The following BIVM variants were observed in gnomAD, a reference collection of about 807,000 sequenced individuals.
BIVM encodes basic, immunoglobulin-like variable motif containing, also known as basic immunoglobulin-like variable motif-containing protein.
A neutral mutation model predicts 61.4 loss-of-function variants in BIVM; 31 were observed. The ratio of observed to expected loss-of-function variants is 0.51; its 90% confidence interval spans 0.38 to 0.68. The LOEUF (loss-of-function observed/expected upper bound fraction) is 0.68. BIVM is among the 30% of genes least tolerant of loss of function. BIVM has a pLI of 0.00. For synonymous variants in BIVM, 189 were observed against 210.7 expected (o/e 0.90, Z 0.89); for missense variants, 526 against 596.0 (o/e 0.88, Z 1.22).
Position 102,817,704 on chromosome 13 carries a change from T to C in BIVM, c.605+1150T>C, listed in dbSNP as rs528925398. 1.6e-4 allele frequency among the ~76,000 whole-genome samples: 25 copies of C among 152,210 alleles called. No homozygotes were observed. The South Asian group carries it at 5.2e-3, about 32-fold the overall frequency. On this transcript the variant is annotated intron_variant, in intron 4 of 10. Transcript: ENST00000257336. ...ATTCCAATTTTTTTTTTTTTTTACT[T>C]TTATTACCCAGCCTTCTTCTGTAGC... is the stretch of plus-strand genomic sequence containing the variant.
chr13:102,818,708 T>G (rs571055303), intron 4 of BIVM, among the ~76,000 whole-genome samples: 1 of 152,284 alleles, frequency 6.6e-6, no homozygotes, highest in East Asian at 1.9e-4. Context: ...ATTACAAGAT[T>G]AGGTTAGAAT....
chr13:102,806,243 G>A (rs1262890479), intron 2 of BIVM, among the ~76,000 whole-genome samples: 1 of 152,044 alleles, frequency 6.6e-6, no homozygotes, highest in African/African-American at 2.4e-5. Flanking sequence ...CTTTTCATGT[G>A]CTTATTGGCC....
intron 9 of BIVM, among the ~76,000 whole-genome samples, 160 bp downstream of exon 9, chr13:102,834,712 C>T (rs776310461): frequency 9.2e-5 from 14 of 152,170 alleles, no homozygotes. Context: ...GGAAAATACT[C>T]TCACTCTCTA....
intron 7 of BIVM, among the ~76,000 whole-genome samples, chr13:102,830,470 A>G (rs1043562819): frequency 6.6e-6 from 1 of 152,318 alleles, no homozygotes; most frequent in East Asian, 1.9e-4. Flanking sequence ...AATGGCTTTG[A>G]GTACTAAGTG....
chr13:102,804,617 G>A (rs1445248717), intron 1 of BIVM, among the ~76,000 whole-genome samples: 1 of 151,504 alleles, frequency 6.6e-6, no homozygotes, highest in Non-Finnish European at 1.5e-5. Context: ...GGCCCTTACT[G>A]TCTGGCTAAT....
In BIVM at chr13:102,839,791, A is replaced by T; in HGVS notation, c.1438A>T (p.Lys480Ter). 3.7e-6 allele frequency: 6 copies of T among 1,614,168 alleles called. No homozygotes were observed. Among genetic ancestry groups the T allele is most frequent in the Non-Finnish European group, 4.2e-6 (5 of 1,180,042 alleles). The part of the protein sequence containing the change: ...SASFHQDSAW[K>*]KMSSIHERRN... ...TAGTTTCCATCAGGACTCGGCATGG[A>T]AAAAGATGTCTAGTATCCATGAGAG... Residue 480 changes from lysine to a stop codon, truncating the protein, a stop_gained, in exon 11 of 11, where the codon AAA (lysine) becomes TAA (stop). Coordinates refer to ENST00000257336, the MANE Select transcript of BIVM (RefSeq NM_017693.4). LOFTEE classifies it high-confidence loss of function.
chr13:102,823,067 G>A (rs1297937887), intron 7 of BIVM, among the ~76,000 whole-genome samples: 2 of 152,202 alleles, frequency 1.3e-5, no homozygotes, highest in Non-Finnish European at 2.9e-5. Flanking sequence ...GTTGGCAGGG[G>A]ACGTCCGTAA....
At position 102,807,791 on chromosome 13, in the gene BIVM, CA is replaced by C; in HGVS notation, c.478+49del. ...TTCATATGTGAAAATAATGAGAAAA[CA>C]AACACTATGTCTTGTTTAATCTTGC... On this transcript the variant is annotated intron_variant, in intron 3 of 10. Coordinates refer to ENST00000257336, the MANE Select transcript of BIVM (RefSeq NM_017693.4). This position sits in a 1 kb window ranked among gnomAD's most constrained non-coding sequence, Gnocchi z 4.0. The C allele has an allele frequency of 6.5e-7, 1 of 1,532,876 alleles. No individual in the cohort carries two copies. The highest frequency in any genetic ancestry group is 8.8e-7 in the Non-Finnish European group (1 of 1,137,032). 95.0% of individuals were successfully genotyped at this position (1,532,876 alleles called of 1,614,324 possible).
chr13:102,803,685 A>G (rs1000209682), intron 1 of BIVM, among the ~76,000 whole-genome samples: 1 of 151,630 alleles, frequency 6.6e-6, no homozygotes. Context: ...ACCTTTGTCT[A>G]TTGCCTCTCA....
chr13:102,799,745 T>A (rs1196733560), intron 1 of BIVM, among the ~76,000 whole-genome samples: 1 of 152,032 alleles, frequency 6.6e-6, no homozygotes, highest in Non-Finnish European at 1.5e-5. Context: ...ACTGCATGGG[T>A]GCGCGCTCTC....
chr13:102,817,020 C>A (rs1879913575), intron 4 of BIVM: 1 of 152,188 alleles, frequency 6.6e-6, no homozygotes, highest in Admixed American at 6.5e-5. Flanking sequence ...AGGCTAAATT[C>A]ACGTTTCCCA....
rs955463321 is a variant in BIVM at position 102,834,618 on chromosome 13, C to T, written c.1121+66C>T. 29 of 1,429,132 alleles carry T rather than the reference C, an allele frequency of 2.0e-5. No homozygotes were observed. In the Admixed American group the frequency reaches 2.3e-4, roughly 12 times the overall value. 88.5% of individuals were successfully genotyped at this position (1,429,132 alleles called of 1,614,324 possible). On this transcript the variant is annotated intron_variant, in intron 9 of 10. Transcript: ENST00000257336. ...TTTAGATACAGTGAAATGCACAGAT[C>T]TTAGTTGTATATAATTAGTTTGATA...
intron 5 of BIVM, 138 bp downstream of exon 5, chr13:102,821,270 C>A: frequency 4.1e-6 from 3 of 739,894 alleles, no homozygotes; most frequent in Non-Finnish European, 6.3e-6. Flanking sequence ...AGTCTTTTAG[C>A]TTAAAATATA....
intron 3 of BIVM, among the ~76,000 whole-genome samples, chr13:102,812,407 T>C (rs1238193645): frequency 6.6e-6 from 1 of 152,200 alleles, no homozygotes; most frequent in Non-Finnish European, 1.5e-5. Flanking sequence ...ATGGGCCTTA[T>C]TCTGTTTCTT....
intron 4 of BIVM, among the ~76,000 whole-genome samples, chr13:102,817,797 T>G (rs1879976619): frequency 6.6e-6 from 1 of 152,196 alleles, no homozygotes; most frequent in African/African-American, 2.4e-5. Context: ...AAAACAAGTT[T>G]AATTCATGAC....
chr13:102,838,878 G>A (rs1881655109), intron 10 of BIVM, 139 bp downstream of exon 10: 1 of 742,680 alleles, frequency 1.3e-6, no homozygotes, highest in Non-Finnish European at 2.0e-6. Context: ...ACACACGGCT[G>A]TCTTTAAAAC....
chr13:102,839,782 T>C lies in BIVM; in HGVS notation c.1429T>C (p.Ser477Pro), dbSNP rs1881713059. 6.2e-7 allele frequency: 1 copy of C among 1,614,194 alleles called. No homozygotes were observed. The highest frequency in any genetic ancestry group is 1.3e-5 in the African/African-American group (1 of 75,044). ...RSFSASFHQD[S>P]AWKKMSSIHE... The stretch of plus-strand genomic sequence containing the variant: ...TTTCAGTGCTAGTTTCCATCAGGAC[T>C]CGGCATGGAAAAAGATGTCTAGTAT... Residue 477 changes from serine to proline, a missense_variant, in exon 11 of 11, where the codon TCG becomes CCG. Ser to Pro is a moderately conservative substitution (Grantham distance 74). Around this residue, in one of 3 missense-constraint regions of BIVM, gnomAD observed 210 missense variants for 233.1 expected, o/e 0.90. Transcript: ENST00000257336.
chr13:102,825,043 C>T (rs990171196), intron 7 of BIVM, among the ~76,000 whole-genome samples: 15 of 152,030 alleles, frequency 9.9e-5, no homozygotes, highest in South Asian at 2.1e-4. Flanking sequence ...GCTGGGTTCA[C>T]GCTATTCTCC....
intron 9 of BIVM, among the ~76,000 whole-genome samples, chr13:102,836,096 T>G (rs1431542157): frequency 6.6e-6 from 1 of 152,240 alleles, no homozygotes; most frequent in Non-Finnish European, 1.5e-5. Context: ...TAGATGTATA[T>G]TTAAGAAACT....
Sources: allele counts gnomAD v4.1 joint callset (sites outside exome capture counted in the v4.1 genomes callset), GRCh38; gene constraint gnomAD v4.1.1; regional missense constraint gnomAD v4.1.1; non-coding constraint Gnocchi (gnomAD v3.1); transcripts MANE v1.5; gene names NCBI Gene and HGNC (gene_info 2026-07-23, HGNC 2026-07-21).